Variants in TSC22D1 observed in about 807,000 individuals in gnomAD.
TSC22D1 encodes TSC22 domain family member 1.
Under a neutral mutation model 74.2 loss-of-function variants are expected in TSC22D1, and 9 were observed. That is an observed-to-expected ratio of 0.12 (90% CI 0.07 to 0.21). The LOEUF (loss-of-function observed/expected upper bound fraction) is 0.21, where lower values mean the gene tolerates loss of function less well. Ranked by LOEUF, TSC22D1 falls within the 10% of genes least tolerant of loss-of-function variation. TSC22D1 has a pLI of 1.00. For synonymous variants in TSC22D1, 586 were observed against 492.5 expected (o/e 1.19, Z -2.51); for missense variants, 1,427 against 1,304.7 (o/e 1.09, Z -1.44).
At chr13:44,465,131 G>T (rs1208634072) in intron 1 of TSC22D1, among the ~76,000 whole-genome samples, 1 of 152,104 alleles carries the variant, frequency 6.6e-6, no homozygotes, top group Admixed American at 6.5e-5. Context: ...ATATATCGTG[G>T]CATAGAAGAA....
In TSC22D1 at chr13:44,434,125, T is replaced by G. The variant is rs1039169787; in HGVS notation, c.*501A>C. The G allele has an allele frequency of 2.8e-5, 42 of 1,500,274 alleles. No individual in the cohort carries two copies. In the African/African-American group the frequency reaches 5.5e-4, roughly 20 times the overall value. The allele number at this position is 1,500,274 out of a possible 1,614,324, so 92.9% of individuals were successfully genotyped here. A position where few individuals can be genotyped will look rare whatever the true frequency, so the allele number is the denominator to read the frequency against. On this transcript the variant is annotated 3_prime_UTR_variant, in exon 3 of 3. Transcript: ENST00000458659. ...TGTTTTTTATGAATTTTGGTGACAGTTGTCAAATTTGTACAGTGAACTCTG... is the reference window on the plus strand; with the variant it reads ...TGTTTTTTATGAATTTTGGTGACAGGTGTCAAATTTGTACAGTGAACTCTG...
At chr13:44,571,902 AAAT>A (rs1477083400) in intron 1 of TSC22D1, among the ~76,000 whole-genome samples, 1 of 152,156 alleles carries the variant, frequency 6.6e-6, no homozygotes, top group Non-Finnish European at 1.5e-5. Flanking sequence ...TTAAACAACT[AAAT>A]AACACAAACC....
chr13:44,460,453 A>G (rs370082769), intron 1 of TSC22D1, among the ~76,000 whole-genome samples: 1 of 152,314 alleles, frequency 6.6e-6, no homozygotes, highest in South Asian at 2.1e-4. Context: ...GGGCAACTCA[A>G]ATTTTGCCTT....
intron 1 of TSC22D1, among the ~76,000 whole-genome samples, chr13:44,561,268 T>A (rs1883019736): frequency 6.6e-6 from 1 of 152,112 alleles, no homozygotes; most frequent in Non-Finnish European, 1.5e-5. Flanking sequence ...AGAATATGCC[T>A]CCATTTCTAC....
At position 44,502,122 on chromosome 13, in the gene TSC22D1, C is replaced by A. The variant is rs569613966; in HGVS notation, c.2913-66027G>T. Among the ~76,000 whole-genome samples, 7 of 152,262 alleles carry A rather than the reference C, an allele frequency of 4.6e-5. No homozygotes were observed. The South Asian group carries it at 1.5e-3, about 32-fold the overall frequency. On this transcript the variant is annotated intron_variant, in intron 1 of 2. Transcript: ENST00000458659. The stretch of plus-strand genomic sequence containing the variant: ...TTTGTAAATTTTGATGATTCTGATA[C>A]AGGTAATATGCTTATTAAGAATCTT...
intron 1 of TSC22D1, among the ~76,000 whole-genome samples, chr13:44,547,149 T>C (rs974281329): frequency 6.6e-6 from 1 of 152,084 alleles, no homozygotes; most frequent in Admixed American, 6.5e-5. Context: ...CTGAATATGG[T>C]TCCATACTCG....
intron 1 of TSC22D1, chr13:44,537,358 G>T: frequency 1.0e-6 from 1 of 985,104 alleles, no homozygotes; most frequent in South Asian, 4.7e-5. Context: ...GTGGCATGAG[G>T]TGACTAGAAA....
At chr13:44,450,578 T>C (rs1463217593) in intron 1 of TSC22D1, among the ~76,000 whole-genome samples, 3 of 152,060 alleles carry the variant, frequency 2.0e-5, no homozygotes, top group Non-Finnish European at 4.4e-5. Flanking sequence ...TTCAAAGACA[T>C]TGCAACATAG....
chr13:44,480,651 A>G (rs1878133702), intron 1 of TSC22D1, among the ~76,000 whole-genome samples: 1 of 152,124 alleles, frequency 6.6e-6, no homozygotes, highest in African/African-American at 2.4e-5. Context: ...AATAAATAAG[A>G]GGCTGTTTGG....
intron 1 of TSC22D1, among the ~76,000 whole-genome samples, chr13:44,503,286 T>A (rs960496859): frequency 6.6e-6 from 1 of 152,158 alleles, no homozygotes; most frequent in Non-Finnish European, 1.5e-5. Context: ...TAGTTCCCTC[T>A]GATAGTTTCT....
At chr13:44,552,715 G>A (rs764618404) in intron 1 of TSC22D1, among the ~76,000 whole-genome samples, 42 of 152,196 alleles carry the variant, frequency 2.8e-4, no homozygotes, top group Admixed American at 2.0e-4. Context: ...TAGGCCGGGC[G>A]TGGTGGCTCA....
intron 1 of TSC22D1, among the ~76,000 whole-genome samples, chr13:44,500,458 T>A (rs776505727): frequency 1.2e-4 from 18 of 152,164 alleles, no homozygotes; most frequent in Non-Finnish European, 2.5e-4. Context: ...TTCCCCCATA[T>A]AAACCATTAT....
chr13:44,487,922 G>A (rs1878520906), intron 1 of TSC22D1, among the ~76,000 whole-genome samples: 2 of 152,170 alleles, frequency 1.3e-5, no homozygotes, highest in East Asian at 3.9e-4. Flanking sequence ...GCTGGGCGTG[G>A]TGGTGCACGC....
intron 1 of TSC22D1, among the ~76,000 whole-genome samples, chr13:44,518,335 G>C (rs1880151683): frequency 6.6e-6 from 1 of 152,004 alleles, no homozygotes; most frequent in African/African-American, 2.4e-5. Context: ...CTCAAAAAAG[G>C]GAAAAATTAA....
intron 1 of TSC22D1, among the ~76,000 whole-genome samples, chr13:44,453,741 T>G (rs1361677021): frequency 6.6e-6 from 1 of 152,202 alleles, no homozygotes; most frequent in Non-Finnish European, 1.5e-5. Flanking sequence ...CTTAAAATAG[T>G]AAATGTTACT....
At chr13:44,547,687 T>C (rs1177028951) in intron 1 of TSC22D1, among the ~76,000 whole-genome samples, 3 of 152,228 alleles carry the variant, frequency 2.0e-5, no homozygotes, top group Non-Finnish European at 4.4e-5. Flanking sequence ...TATTAATACC[T>C]TCACTTACAA....
intron 2 of TSC22D1, chr13:44,435,701 G>C (rs2138846051): frequency 2.9e-6 from 1 of 338,998 alleles, no homozygotes; most frequent in East Asian, 8.2e-5. Flanking sequence ...AGGATTCCTA[G>C]TAAAGCCACA....
chr13:44,479,896 T>C (rs961182400), intron 1 of TSC22D1, among the ~76,000 whole-genome samples: 3 of 152,174 alleles, frequency 2.0e-5, no homozygotes, highest in African/African-American at 7.2e-5. Flanking sequence ...AGGACTAAAA[T>C]GGAAAAAGTC....
chr13:44,447,656 A>G (rs1213091342), intron 1 of TSC22D1, among the ~76,000 whole-genome samples: 1 of 151,928 alleles, frequency 6.6e-6, no homozygotes. Flanking sequence ...ACATGTATTT[A>G]CCCTCTGTAA....
Sources: gnomAD v4.1 joint callset for allele counts (sites outside exome capture counted in the v4.1 genomes callset) on GRCh38, gnomAD v4.1.1 for gene constraint, MANE v1.5 for transcripts, NCBI Gene and HGNC (gene_info 2026-07-23, HGNC 2026-07-21) for gene names.